The following LHX8 variants were observed in gnomAD, a reference collection of about 807,000 sequenced individuals.
LHX8 encodes the protein LIM homeobox 8.
LHX8 carries 12 observed loss-of-function variants against 40.3 expected under a neutral mutation model. The ratio of observed to expected loss-of-function variants is 0.30; its 90% CI spans 0.19 to 0.48. The LOEUF is 0.48. LHX8 is among the 20% of genes least tolerant of loss of function. LHX8 has a pLI of 0.99. For synonymous variants in LHX8, 179 were observed against 162.0 expected (o/e 1.10, Z -0.80); for missense variants, 344 against 433.7 (o/e 0.79, Z 1.84).
chr1:75,148,532 G>T, intron 6 of LHX8, 55 bp from the exon 7 acceptor site: 1 of 1,202,134 alleles, frequency 8.3e-7, no homozygotes, highest in Non-Finnish European at 1.2e-6. Flanking sequence ...AATGCAGGAA[G>T]AAGACTGAGC....
At chr1:75,191,524 G>A in the LHX8 span, among the ~76,000 whole-genome samples, 1 of 152,296 alleles carries the variant, frequency 6.6e-6, no homozygotes, top group Non-Finnish European at 1.5e-5. Context: ...GAGGGAGGGA[G>A]CCAACCGCAG....
chr1:75,194,490 C>G, the LHX8 span, among the ~76,000 whole-genome samples: 2 of 152,206 alleles, frequency 1.3e-5, no homozygotes, highest in African/African-American at 4.8e-5. Context: ...GAGGATTTAT[C>G]TAGAAATGTG....
intron 6 of LHX8, 77 bp from the exon 7 acceptor site, chr1:75,148,510 T>G: frequency 2.0e-6 from 2 of 985,106 alleles, no homozygotes; most frequent in Non-Finnish European, 3.3e-6. Flanking sequence ...ATGTCTTACC[T>G]CTTATGATAA....
At chr1:75,136,730 G>C in intron 2 of LHX8, 41 bp downstream of exon 2, 1 of 1,496,028 alleles carries the variant, frequency 6.7e-7, no homozygotes, top group South Asian at 1.2e-5. Flanking sequence ...GACTGGCCGT[G>C]GGGAGGCGGC....
At chr1:75,193,099 A>T in the LHX8 span, among the ~76,000 whole-genome samples, 2 of 152,154 alleles carry the variant, frequency 1.3e-5, no homozygotes, top group Non-Finnish European at 2.9e-5. Context: ...TTGGACATCT[A>T]TATCTGGATA....
chr1:75,136,466 C>T, intron 1 of LHX8, 137 bp from the exon 2 acceptor site: 1 of 547,548 alleles, frequency 1.8e-6, no homozygotes, highest in Non-Finnish European at 3.0e-6. Context: ...CGGGCTCAGG[C>T]GCCGTGACGG....
At chr1:75,174,053 G>A in the LHX8 span, among the ~76,000 whole-genome samples, 2 of 151,908 alleles carry the variant, frequency 1.3e-5, no homozygotes, top group Non-Finnish European at 2.9e-5. Flanking sequence ...AATCTGAAAC[G>A]CTGCTTGTCC....
At chr1:75,135,347 CCTGA>C (rs1315231136) in intron 1 of LHX8, among the ~76,000 whole-genome samples, 3 of 152,232 alleles carry the variant, frequency 2.0e-5, no homozygotes, top group East Asian at 1.9e-4. Flanking sequence ...GCGGGGCGCC[CCTGA>C]CTATTTCTTT....
chr1:75,160,728 G>T, intron 8 of LHX8, 91 bp from the exon 9 acceptor site: 1 of 879,822 alleles, frequency 1.1e-6, no homozygotes, highest in South Asian at 1.3e-5. Flanking sequence ...AATGAGTGAT[G>T]AAAACAATGC....
Position 75,141,304 on chromosome 1 carries a change from G to A in LHX8, c.359+198G>A, listed in dbSNP as rs144131272. Among the ~76,000 whole-genome samples, 395 of 152,232 alleles carry A rather than the reference G, an allele frequency of 2.6e-3. 1 individual carries two copies. The highest frequency in any genetic ancestry group is 5.9e-3 in the Admixed American group (90 of 15,270). On this transcript the variant is annotated intron_variant, in intron 4 of 8. Coordinates refer to ENST00000356261, the MANE Select transcript of LHX8 (RefSeq NM_001256114.2). ...CATGTTTATCCTTTTTGGGAATTCA[G>A]TAGACAAAAGTTAATTTTAAATAAT...
chr1:75,143,411 G>C, intron 5 of LHX8, 73 bp downstream of exon 5: 1 of 1,138,288 alleles, frequency 8.8e-7, no homozygotes, highest in Non-Finnish European at 1.3e-6. Flanking sequence ...TTTTCCTAAG[G>C]TCATCTTAAT....
chr1:75,160,800 ATTTC>A lies in LHX8; in HGVS notation c.965-13_965-10del, dbSNP rs1258348189. The A allele has an allele frequency of 7.6e-6, 12 of 1,582,042 alleles. No individual in the cohort carries two copies. In the Admixed American group the frequency reaches 1.7e-4, roughly 22 times the overall value. On this transcript the variant is annotated splice_polypyrimidine_tract_variant and intron_variant, in intron 8 of 8. Transcript: ENST00000356261. ...TGCACCCTACAAAACTGATCCACAA[ATTTC>A]TTTCTATTTTGTAGCTCATTCACCA... is the stretch of plus-strand genomic sequence containing the variant.
intron 1 of LHX8, 45 bp downstream of exon 1, chr1:75,134,999 C>A (rs1648078534): frequency 3.3e-6 from 3 of 914,442 alleles, no homozygotes. Context: ...TCGTGGCGGT[C>A]CGGGAGAGTG....
At chr1:75,189,321 A>G in the LHX8 span, among the ~76,000 whole-genome samples, 1 of 152,190 alleles carries the variant, frequency 6.6e-6, no homozygotes, top group East Asian at 1.9e-4. Flanking sequence ...TAATCAAGTC[A>G]TTTTCTAAAG....
chr1:75,194,250 G>A, the LHX8 span, among the ~76,000 whole-genome samples: 1 of 152,088 alleles, frequency 6.6e-6, no homozygotes, highest in African/African-American at 2.4e-5. Context: ...AAGACCCCAT[G>A]ATGAGGGCAG....
chr1:75,183,528 G>A, the LHX8 span, among the ~76,000 whole-genome samples: 3 of 151,968 alleles, frequency 2.0e-5, no homozygotes, highest in East Asian at 5.8e-4. Context: ...GCCAAACTAA[G>A]CTTTCTTAGC....
chr1:75,148,912 T>C (rs902466828), intron 7 of LHX8, among the ~76,000 whole-genome samples: 13 of 152,154 alleles, frequency 8.5e-5, no homozygotes, highest in African/African-American at 2.7e-4. Context: ...TAAGTATGCA[T>C]TGGTGTTTTT....
In LHX8 at chr1:75,137,246, C is replaced by T. The variant is rs772782656; in HGVS notation, c.222C>T (p.Asp74=). 6.2e-7 allele frequency: 1 copy of T among 1,613,572 alleles called. No individual in the cohort carries two copies. Among genetic ancestry groups the T allele is most frequent in the East Asian group, 2.2e-5 (1 of 44,858 alleles). ...VCNSCGLEIV[D]KYLLKVNDLC... ...ACAGTTGCGGCCTGGAGATCGTGGACAAATACCTTCTCAAGGTAGGATAGG... is the reference window on the plus strand; with the variant it reads ...ACAGTTGCGGCCTGGAGATCGTGGATAAATACCTTCTCAAGGTAGGATAGG... The change falls in exon 3 of 9, where the codon GAC becomes GAT. Residue 74 remains aspartate, a synonymous_variant. Transcript: ENST00000356261.
At chr1:75,181,447 C>T in the LHX8 span, among the ~76,000 whole-genome samples, 2 of 152,224 alleles carry the variant, frequency 1.3e-5, no homozygotes, top group East Asian at 1.9e-4. Flanking sequence ...CCAGTGTTGC[C>T]AGTTCGATCT....
Sources: gnomAD v4.1 joint callset for allele counts (sites outside exome capture counted in the v4.1 genomes callset) on GRCh38, gnomAD v4.1.1 for gene constraint, MANE v1.5 for transcripts, NCBI Gene and HGNC (gene_info 2026-07-23, HGNC 2026-07-21) for gene names.